The following ANXA8 variants were observed in gnomAD, a reference collection of about 807,000 sequenced individuals.
ANXA8 encodes annexin A8.
A neutral mutation model predicts 26.8 loss-of-function variants in ANXA8; 9 were observed. The ratio of observed to expected loss-of-function variants is 0.34; its 90% confidence interval spans 0.20 to 0.59. ANXA8 has a LOEUF of 0.59. ANXA8 is among the 20% of genes least tolerant of loss of function. The pLI is 0.84. For missense variants in ANXA8, 83 were observed against 238.5 expected (o/e 0.35, Z 4.29); for synonymous variants, 39 against 94.8 (o/e 0.41, Z 3.42).
At chr10:47,895,071 G>A in the ANXA8 span, among the ~76,000 whole-genome samples, 1 of 151,900 alleles carries the variant, frequency 6.6e-6, no homozygotes, top group African/African-American at 2.4e-5. Flanking sequence ...ATACTCACAT[G>A]TGCCACACAC....
At chr10:47,584,802 T>C in the ANXA8 span, among the ~76,000 whole-genome samples, 2 of 125,648 alleles carry the variant, frequency 1.6e-5, no homozygotes, top group East Asian at 4.3e-4. Flanking sequence ...GAAATATGAA[T>C]ATAGGCCGGG....
chr10:47,673,345 T>C, the ANXA8 span, among the ~76,000 whole-genome samples: 1 of 151,600 alleles, frequency 6.6e-6, no homozygotes, highest in African/African-American at 2.4e-5. Flanking sequence ...CTCCAGGCTT[T>C]CAGTTCTGGA....
the ANXA8 span, among the ~76,000 whole-genome samples, chr10:47,670,047 C>A: frequency 6.6e-6 from 1 of 151,830 alleles, no homozygotes; most frequent in African/African-American, 2.4e-5. Context: ...CTGGAAGCCA[C>A]GAATGTGCTT....
chr10:47,767,632 G>C, the ANXA8 span, among the ~76,000 whole-genome samples: 1 of 151,144 alleles, frequency 6.6e-6, no homozygotes, highest in Non-Finnish European at 1.5e-5. Context: ...CTTTGTCCAT[G>C]ACCCAGGCCT....
At chr10:47,551,116 A>G in the ANXA8 span, among the ~76,000 whole-genome samples, 1 of 151,664 alleles carries the variant, frequency 6.6e-6, no homozygotes, top group South Asian at 2.1e-4. Context: ...CTTAAATCTG[A>G]CTGCTTTATG....
At chr10:47,740,423 C>T in the ANXA8 span, among the ~76,000 whole-genome samples, 5 of 135,694 alleles carry the variant, frequency 3.7e-5, 1 homozygote, top group South Asian at 2.2e-4. Flanking sequence ...AGAGTTTTAA[C>T]AAATATATAC....
the ANXA8 span, among the ~76,000 whole-genome samples, chr10:47,944,391 G>T: frequency 6.7e-6 from 1 of 149,360 alleles, no homozygotes; most frequent in Admixed American, 6.6e-5. Flanking sequence ...CTGCTCCCAA[G>T]TGAATGTCCA....
At chr10:47,631,368 T>G in the ANXA8 span, among the ~76,000 whole-genome samples, 1 of 151,828 alleles carries the variant, frequency 6.6e-6, no homozygotes, top group African/African-American at 2.4e-5. Flanking sequence ...AAACTTCATC[T>G]GTATTAACCA....
chr10:47,528,121 C>T, the ANXA8 span, among the ~76,000 whole-genome samples: 1 of 137,404 alleles, frequency 7.3e-6, no homozygotes, highest in African/African-American at 2.6e-5. Context: ...GCTCTGTCAC[C>T]CAGGCTGGAG....
upstream of ANXA8, among the ~76,000 whole-genome samples, chr10:47,486,398 T>C (rs1840047417): frequency 7.1e-6 from 1 of 141,360 alleles, no homozygotes; most frequent in Admixed American, 7.1e-5. Flanking sequence ...ATATAGTTTC[T>C]GGTGAAACAG....
the ANXA8 span, among the ~76,000 whole-genome samples, chr10:47,703,343 G>A: frequency 6.6e-6 from 1 of 151,682 alleles, no homozygotes; most frequent in African/African-American, 2.4e-5. Flanking sequence ...TGAGGCAGGT[G>A]GGTGGCTTGA....
chr10:47,942,806 T>A, the ANXA8 span, among the ~76,000 whole-genome samples: 1 of 145,880 alleles, frequency 6.9e-6, no homozygotes, highest in South Asian at 2.2e-4. Context: ...GTGCTAAGCC[T>A]ACAGGCGGCA....
At chr10:47,695,992 T>A in the ANXA8 span, among the ~76,000 whole-genome samples, 2 of 151,808 alleles carry the variant, frequency 1.3e-5, 1 homozygote, top group African/African-American at 4.8e-5. Context: ...GATATATTTA[T>A]AGTAGAAGGG....
At chr10:47,751,110 T>C in the ANXA8 span, 1 of 151,666 alleles carries the variant, frequency 6.6e-6, no homozygotes, top group Non-Finnish European at 1.5e-5. Flanking sequence ...ATGGTGAATA[T>C]TGACAACTCT....
At chr10:47,954,799 T>G in the ANXA8 span, among the ~76,000 whole-genome samples, 2 of 151,248 alleles carry the variant, frequency 1.3e-5, 1 homozygote, top group East Asian at 4.1e-4. Context: ...TTATAACAAT[T>G]TTAGTAGCCT....
chr10:47,536,541 C>A, the ANXA8 span, among the ~76,000 whole-genome samples: 1 of 124,666 alleles, frequency 8.0e-6, no homozygotes, highest in Non-Finnish European at 1.6e-5. Context: ...CAGCAATGGA[C>A]TAGTAATATA....
chr10:47,981,959 A>T, the ANXA8 span, among the ~76,000 whole-genome samples: 1 of 151,822 alleles, frequency 6.6e-6, no homozygotes, highest in East Asian at 1.9e-4. Context: ...AGCCAACATG[A>T]TCTTGAAAGA....
chr10:47,936,239 A>AT, the ANXA8 span, among the ~76,000 whole-genome samples: 1 of 73,114 alleles, frequency 1.4e-5, no homozygotes, highest in Non-Finnish European at 2.5e-5. Flanking sequence ...ATGTGCCAAA[A>AT]TTTATTTATC....
At chr10:47,960,754 C>T in the ANXA8 span, among the ~76,000 whole-genome samples, 2 of 145,422 alleles carry the variant, frequency 1.4e-5, no homozygotes, top group African/African-American at 5.4e-5. Flanking sequence ...TCATGCCCCC[C>T]CAACAGTGAT....
Sources: gnomAD v4.1 joint callset for allele counts (sites outside exome capture counted in the v4.1 genomes callset) on GRCh38, gnomAD v4.1.1 for gene constraint, MANE v1.5 for transcripts, NCBI Gene and HGNC (gene_info 2026-07-23, HGNC 2026-07-21) for gene names.